Variants in BICC1 observed in about 807,000 individuals in gnomAD.
BICC1 encodes the protein BicC family RNA binding protein 1.
A neutral mutation model predicts 111.0 loss-of-function variants in BICC1; 43 were observed. The observed-to-expected ratio is 0.39, with a 90% CI of 0.30 to 0.50. The LOEUF (loss-of-function observed/expected upper bound fraction) is 0.50. Among genes scored for constraint, BICC1 ranks in the 20% least tolerant of loss-of-function variants. BICC1 has a pLI of 0.88. For missense variants in BICC1, 1,091 were observed against 1,203.2 expected, an observed-to-expected ratio of 0.91 and a Z score of 1.38; for synonymous variants, 467 against 434.4, an observed-to-expected ratio of 1.07 and a Z score of -0.93.
At chr10:58,590,922 G>C (rs1844593502) in intron 1 of BICC1, among the ~76,000 whole-genome samples, 1 of 152,184 alleles carries the variant, frequency 6.6e-6, no homozygotes, top group Non-Finnish European at 1.5e-5. Flanking sequence ...GTAGGGTTTT[G>C]CTTTTACAAA....
intron 1 of BICC1, among the ~76,000 whole-genome samples, chr10:58,535,062 A>G (rs1298962922): frequency 6.6e-6 from 1 of 151,738 alleles, no homozygotes; most frequent in African/African-American, 2.4e-5. Flanking sequence ...AAGATTTAGA[A>G]GAAACAAAGT....
At chr10:58,698,831 G>A (rs1840142797) in intron 2 of BICC1, among the ~76,000 whole-genome samples, 1 of 152,198 alleles carries the variant, frequency 6.6e-6, no homozygotes, top group Non-Finnish European at 1.5e-5. Context: ...AGGAAATTGA[G>A]ATTGATAGAA....
rs148204014 is a variant in BICC1, at chr10:58,692,750, G to C, written c.238-9324G>C. On this transcript the variant is annotated intron_variant, in intron 2 of 20. Transcript: ENST00000373886. ...GGATCAGCTTCCAGTGTTTCATCCT[G>C]TGTGCTTTCAAAGTTGTGAAAAATC... Among the ~76,000 whole-genome samples, 366 of 151,880 alleles carry C rather than the reference G, an allele frequency of 2.4e-3. 2 individuals are homozygous for C. The highest frequency in any genetic ancestry group is 8.6e-3 in the African/African-American group (357 of 41,468).
At chr10:58,644,994 T>C (rs541967937) in intron 2 of BICC1, among the ~76,000 whole-genome samples, 30 of 152,230 alleles carry the variant, frequency 2.0e-4, no homozygotes, top group Admixed American at 9.1e-4. Flanking sequence ...AGTCTGTGTC[T>C]AAACAAAAAA....
intron 1 of BICC1, among the ~76,000 whole-genome samples, chr10:58,514,696 T>G (rs1268238293): frequency 5.3e-5 from 8 of 152,178 alleles, no homozygotes; most frequent in Non-Finnish European, 2.9e-5. Context: ...TTTCTCAAAT[T>G]ATGTAACTTT....
chr10:58,546,033 G>A (rs764152376), intron 1 of BICC1, among the ~76,000 whole-genome samples: 1 of 152,100 alleles, frequency 6.6e-6, no homozygotes, highest in Non-Finnish European at 1.5e-5. Context: ...CTTCTTTCCT[G>A]AACCGGAATT....
At chr10:58,783,253 A>G (rs1011122225) in intron 3 of BICC1, among the ~76,000 whole-genome samples, 14 of 152,126 alleles carry the variant, frequency 9.2e-5, no homozygotes, top group African/African-American at 3.4e-4. Context: ...GCTGCTGGAC[A>G]TCTCCCCAGG....
At position 58,531,914 on chromosome 10, in the gene BICC1, G is replaced by C. The variant is rs549115466; in HGVS notation, c.190+18581G>C. On this transcript the variant is annotated intron_variant, in intron 1 of 20. Transcript: ENST00000373886. ...AAAAGAAAAAGGAAAAATGAAGAAAGCCTAAGGGACTTATGGGGCGCCATC... is the reference window on the plus strand; with the variant it reads ...AAAAGAAAAAGGAAAAATGAAGAAACCCTAAGGGACTTATGGGGCGCCATC... Among the ~76,000 whole-genome samples, 25 of 151,828 alleles carry C rather than the reference G, an allele frequency of 1.6e-4. No homozygotes were observed. The South Asian group carries it at 2.7e-3, about 16-fold the overall frequency.
chr10:58,760,086 G>A (rs1349212961), intron 3 of BICC1, among the ~76,000 whole-genome samples: 2 of 152,088 alleles, frequency 1.3e-5, no homozygotes, highest in African/African-American at 4.8e-5. Flanking sequence ...TTAAGCAAAT[G>A]TGTTCTTAGC....
chr10:58,781,151 A>C (rs966608078), intron 3 of BICC1, among the ~76,000 whole-genome samples: 1 of 152,226 alleles, frequency 6.6e-6, no homozygotes, highest in African/African-American at 2.4e-5. Flanking sequence ...AGGAATCTAA[A>C]AACCAAAAAT....
chr10:58,569,685 T>A (rs1034491785), intron 1 of BICC1, among the ~76,000 whole-genome samples: 2 of 152,194 alleles, frequency 1.3e-5, no homozygotes, highest in Non-Finnish European at 2.9e-5. Flanking sequence ...AATGATCGTT[T>A]CCAGCTTCTT....
intron 2 of BICC1, among the ~76,000 whole-genome samples, chr10:58,659,934 TTA>T (rs1308888527): frequency 6.6e-6 from 1 of 152,188 alleles, no homozygotes; most frequent in Non-Finnish European, 1.5e-5. Context: ...ACATGTAGTA[TTA>T]TATTGTGCTG....
intron 17 of BICC1, among the ~76,000 whole-genome samples, chr10:58,809,805 C>G (rs943981857): frequency 6.6e-6 from 1 of 152,106 alleles, no homozygotes; most frequent in Non-Finnish European, 1.5e-5. Flanking sequence ...ATTCAATCCC[C>G]ACAAACTCCT....
intron 1 of BICC1, among the ~76,000 whole-genome samples, chr10:58,528,479 T>C (rs1267700661): frequency 1.3e-5 from 2 of 151,990 alleles, no homozygotes; most frequent in Admixed American, 6.6e-5. Flanking sequence ...TGAATTATCT[T>C]GTTCTTAGAA....
intron 1 of BICC1, among the ~76,000 whole-genome samples, chr10:58,516,367 T>A (rs1430327428): frequency 1.3e-5 from 2 of 152,184 alleles, no homozygotes; most frequent in African/African-American, 2.4e-5. Context: ...GAGGTTAATA[T>A]ATGGGCAATA....
chr10:58,632,700 TC>T (rs767414949), intron 2 of BICC1, among the ~76,000 whole-genome samples: 3 of 152,152 alleles, frequency 2.0e-5, no homozygotes, highest in Non-Finnish European at 2.9e-5. Context: ...GACCTGTGAC[TC>T]CATGACCTGA....
chr10:58,795,703 A>T (rs958665310), intron 9 of BICC1, among the ~76,000 whole-genome samples: 1 of 152,094 alleles, frequency 6.6e-6, no homozygotes, highest in Non-Finnish European at 1.5e-5. Context: ...TCACATTTCA[A>T]ATTTTCTTGA....
Position 58,793,375 on chromosome 10 carries a change from T to G in BICC1, c.1048-109T>G, listed in dbSNP as rs1460455179. On this transcript the variant is annotated intron_variant, in intron 8 of 20. Coordinates refer to ENST00000373886, the MANE Select transcript of BICC1 (RefSeq NM_001080512.3). ...ATAATTCAGCTTTAATACTTCAGTT[T>G]AGTCTTTAAATCTGTAAAATAGTGC... 9 of 1,028,176 alleles carry G rather than the reference T, an allele frequency of 8.8e-6. No individual in the cohort carries two copies. In the East Asian group the frequency reaches 2.3e-4, roughly 26 times the overall value. The allele number at this position is 1,028,176 out of a possible 1,614,324, so 63.7% of individuals were successfully genotyped here.
At chr10:58,714,520 TG>T (rs1196506751) in intron 3 of BICC1, among the ~76,000 whole-genome samples, 1 of 152,206 alleles carries the variant, frequency 6.6e-6, no homozygotes, top group Non-Finnish European at 1.5e-5. Flanking sequence ...GCTTCAGTGC[TG>T]GGGGACAGAC....
Sources: allele counts gnomAD v4.1 joint callset (sites outside exome capture counted in the v4.1 genomes callset), GRCh38; gene constraint gnomAD v4.1.1; transcripts MANE v1.5; gene names NCBI Gene and HGNC (gene_info 2026-07-23, HGNC 2026-07-21).